Variants in CACNG5 observed in about 807,000 individuals in gnomAD.
The protein encoded by CACNG5 is calcium voltage-gated channel auxiliary subunit gamma 5, also known as voltage-dependent calcium channel gamma-5 subunit.
CACNG5 carries 18 observed loss-of-function variants against 24.8 expected under a neutral mutation model. The observed-to-expected ratio is 0.73, with a 90% CI of 0.50 to 1.08. The LOEUF (loss-of-function observed/expected upper bound fraction) is 1.08, where lower values mean the gene tolerates loss of function less well. Among genes scored for constraint, CACNG5 ranks in the 50% least tolerant of loss-of-function variants. The probability of loss-of-function intolerance (pLI) is 0.00; values close to 1 mark genes in which losing one functional copy is unlikely to be tolerated. For synonymous variants in CACNG5, 157 were observed against 149.1 expected (o/e 1.05, Z -0.39); for missense variants, 349 against 367.9 (o/e 0.95, Z 0.42).
At chr17:66,876,506 G>A (rs1029195598) in intron 1 of CACNG5, among the ~76,000 whole-genome samples, 2 of 152,152 alleles carry the variant, frequency 1.3e-5, no homozygotes, top group African/African-American at 2.4e-5. Flanking sequence ...TCTTTTTCTC[G>A]TTCATTGCTG....
At chr17:66,843,827 T>C (rs952729213) in intron 1 of CACNG5, among the ~76,000 whole-genome samples, 1 of 152,030 alleles carries the variant, frequency 6.6e-6, no homozygotes, top group Admixed American at 6.6e-5. Flanking sequence ...CAGGAACCAC[T>C]GGAATAAGCC....
At chr17:66,858,252 C>T (rs954869786) in intron 1 of CACNG5, among the ~76,000 whole-genome samples, 21 of 152,260 alleles carry the variant, frequency 1.4e-4, no homozygotes, top group African/African-American at 4.6e-4. Context: ...CTTCTGAGGC[C>T]CAGTATTTTC....
chr17:66,887,779 C>A lies in CACNG5; in HGVS notation c.*2539C>A, dbSNP rs1425522627. Among the ~76,000 whole-genome samples the A allele has an allele frequency of 3.3e-5, 5 of 152,126 alleles. No homozygotes were observed. The highest frequency in any genetic ancestry group is 2.1e-4 in the South Asian group (1 of 4,822). ...GATGCTGAGCTGCTAAATGAAGGAGCCCTTAGCCTGGGAAGATGTGGTTTA... is the reference window on the plus strand; with the variant it reads ...GATGCTGAGCTGCTAAATGAAGGAGACCTTAGCCTGGGAAGATGTGGTTTA... On this transcript the variant is annotated 3_prime_UTR_variant, in exon 6 of 6. Transcript: ENST00000533854.
At position 66,891,416 on chromosome 17, in the gene CACNG5, G is replaced by A. The variant is rs2143147597; in HGVS notation, c.*6176G>A. The stretch of plus-strand genomic sequence containing the variant: ...GGCAGTTCTCACTCAGGATCTCCCA[G>A]GCAGTTGGAGTCAGACAGTGGCTGT... On this transcript the variant is annotated 3_prime_UTR_variant, in exon 6 of 6. Coordinates refer to ENST00000533854, the MANE Select transcript of CACNG5 (RefSeq NM_145811.3). Among the ~76,000 whole-genome samples the A allele has an allele frequency of 6.6e-6, 1 of 152,336 alleles. No homozygotes were observed. Among genetic ancestry groups the A allele is most frequent in the East Asian group, 1.9e-4 (1 of 5,192 alleles).
At chr17:66,852,999 C>CTCTCTTCTCT (rs534624133) in intron 1 of CACNG5, among the ~76,000 whole-genome samples, 7 of 151,294 alleles carry the variant, frequency 4.6e-5, no homozygotes, top group South Asian at 4.2e-4. Context: ...TCTTCTCTTT[C>CTCTCTTCTCT]TCTCTTCTCT....
At chr17:66,884,477 T>G (rs1194997283) in intron 4 of CACNG5, 39 bp from the exon 5 acceptor site, 1 of 1,570,872 alleles carries the variant, frequency 6.4e-7, no homozygotes, top group African/African-American at 1.4e-5. Flanking sequence ...TTCCTGGGCC[T>G]CTGGGCTGAG....
In CACNG5 at chr17:66,886,609, C is replaced by T. The variant is rs9906660; in HGVS notation, c.*1369C>T. 0.35 allele frequency among the ~76,000 whole-genome samples: 52,881 copies of T among 152,092 alleles called. 9,847 individuals are homozygous for T. The highest frequency in any genetic ancestry group is 0.5 in the African/African-American group (20,581 of 41,466). ...TGTGTCGCTGCTGTGCCCGCTCTCT[C>T]CTTGCCCTCTTTAAGACGCCGCTAG... is the stretch of plus-strand genomic sequence containing the variant. On this transcript the variant is annotated 3_prime_UTR_variant, in exon 6 of 6. Transcript: ENST00000533854.
intron 1 of CACNG5, among the ~76,000 whole-genome samples, chr17:66,845,292 G>C (rs945888386): frequency 5.3e-5 from 8 of 151,992 alleles, no homozygotes; most frequent in Non-Finnish European, 2.9e-5. Context: ...GGACCTGTTA[G>C]GGGGGTGGTG....
At chr17:66,880,491 C>G in intron 3 of CACNG5, 66 bp from the exon 4 acceptor site, 1 of 1,601,300 alleles carries the variant, frequency 6.2e-7, no homozygotes, top group Admixed American at 1.7e-5. Context: ...GAACACTCAA[C>G]TCAGGATGAT....
At chr17:66,860,857 AT>A (rs34092567) in intron 1 of CACNG5, among the ~76,000 whole-genome samples, 9,299 of 146,784 alleles carry the variant, frequency 0.063, 319 homozygotes, top group East Asian at 0.09. Flanking sequence ...CTTTCTTGAC[AT>A]TTTTTTTTTT....
intron 1 of CACNG5, among the ~76,000 whole-genome samples, chr17:66,875,172 C>T (rs1977058821): frequency 6.6e-6 from 1 of 152,088 alleles, no homozygotes; most frequent in Non-Finnish European, 1.5e-5. Context: ...GATTTTGTTG[C>T]CTCTTCCTCA....
chr17:66,862,434 T>C (rs536241789), intron 1 of CACNG5, among the ~76,000 whole-genome samples: 1 of 152,098 alleles, frequency 6.6e-6, no homozygotes, highest in African/African-American at 2.4e-5. Flanking sequence ...TCTGTCTCTC[T>C]GTATATGTGT....
At chr17:66,840,748 C>T (rs1300558865) in intron 1 of CACNG5, among the ~76,000 whole-genome samples, 1 of 152,162 alleles carries the variant, frequency 6.6e-6, no homozygotes, top group Non-Finnish European at 1.5e-5. Context: ...GGATGTCTTC[C>T]TTGGGGATGG....
At chr17:66,880,419 G>A in intron 3 of CACNG5, 138 bp from the exon 4 acceptor site, 5 of 971,134 alleles carry the variant, frequency 5.1e-6, no homozygotes, top group Non-Finnish European at 7.6e-6. Context: ...CCTGATGGGG[G>A]TAGAGTCTGG....
intron 1 of CACNG5, among the ~76,000 whole-genome samples, chr17:66,871,206 C>T (rs2143098032): frequency 6.6e-6 from 1 of 152,266 alleles, no homozygotes; most frequent in South Asian, 2.1e-4. Flanking sequence ...TGGTCACCAG[C>T]CCATCCTGCT....
intron 1 of CACNG5, among the ~76,000 whole-genome samples, chr17:66,874,374 A>G (rs1977048207): frequency 6.6e-6 from 1 of 152,210 alleles, no homozygotes; most frequent in African/African-American, 2.4e-5. Context: ...AGACTGGATA[A>G]TTTATAAAGA....
chr17:66,890,133 T>TA lies in CACNG5; in HGVS notation c.*4894dup, dbSNP rs889469979. Among the ~76,000 whole-genome samples, 1 of 152,212 alleles carries TA rather than the reference T, an allele frequency of 6.6e-6. No homozygotes were observed. Among genetic ancestry groups the TA allele is most frequent in the Non-Finnish European group, 1.5e-5 (1 of 68,034 alleles). On this transcript the variant is annotated 3_prime_UTR_variant, in exon 6 of 6. Transcript: ENST00000533854. ...TGCCTTTGGAACACAGCACTCTGCC[T>TA]AGGGAGTAGGTGCACAGGTGGATGG...
intron 1 of CACNG5, among the ~76,000 whole-genome samples, chr17:66,838,415 G>C (rs191247921): frequency 6.6e-6 from 1 of 151,302 alleles, no homozygotes; most frequent in Non-Finnish European, 1.5e-5. Flanking sequence ...CAAGCAGAAG[G>C]GGGGACAGAG....
intron 3 of CACNG5, among the ~76,000 whole-genome samples, chr17:66,880,046 G>T (rs1439763095): frequency 2.6e-5 from 4 of 152,154 alleles, no homozygotes; most frequent in Admixed American, 1.3e-4. Context: ...GAATTTAGAG[G>T]TGATCTCTCA....
Sources: gnomAD v4.1 joint callset for allele counts (sites outside exome capture counted in the v4.1 genomes callset) on GRCh38, gnomAD v4.1.1 for gene constraint, MANE v1.5 for transcripts, NCBI Gene and HGNC (gene_info 2026-07-23, HGNC 2026-07-21) for gene names.